The following ITGB1 variants were observed in gnomAD, a reference collection of about 807,000 sequenced individuals.
ITGB1 encodes the protein integrin beta-1.
A neutral mutation model predicts 86.5 loss-of-function variants in ITGB1; 24 were observed. That is an observed-to-expected ratio of 0.28 (90% CI 0.20 to 0.39). The LOEUF (loss-of-function observed/expected upper bound fraction) is 0.39. Among genes scored for constraint, ITGB1 ranks in the 10% least tolerant of loss-of-function variants. The pLI, the probability that ITGB1 is intolerant of heterozygous loss-of-function variation, is 1.00. For synonymous variants in ITGB1, 323 were observed against 316.8 expected (o/e 1.02, Z -0.21); for missense variants, 556 against 946.9 (o/e 0.59, Z 5.42).
At chr10:32,914,795 C>CA (rs1466480121) in intron 11 of ITGB1, among the ~76,000 whole-genome samples, 1 of 152,074 alleles carries the variant, frequency 6.6e-6, no homozygotes, top group East Asian at 1.9e-4. Context: ...GAACTGAACT[C>CA]AGCTCTGCAC....
rs202130881 is a variant in ITGB1, at chr10:32,935,525, T to G, written c.34A>C (p.Ile12Leu). ...NLQPIFWIGL[I>L]SSVCCVFAQT... ...GCAAACACACAGCAAACTGAACTGATCAGTCCAATCCAGAAAATTGGTTGT... is the reference window on the plus strand; with the variant it reads ...GCAAACACACAGCAAACTGAACTGAGCAGTCCAATCCAGAAAATTGGTTGT... Residue 12 changes from isoleucine (I) to leucine (L), a missense_variant, in exon 2 of 16, where the codon ATC (isoleucine) becomes CTC (leucine). Physicochemically the swap from Ile to Leu is conservative, Grantham distance 5. Coordinates refer to ENST00000302278, the MANE Select transcript of ITGB1 (RefSeq NM_002211.4). 6.2e-7 allele frequency: 1 copy of G among 1,613,618 alleles called. No homozygotes were observed. Among genetic ancestry groups the G allele is most frequent in the Non-Finnish European group, 8.5e-7 (1 of 1,179,580 alleles).
chr10:32,902,815 G>A (rs541757272), intron 15 of ITGB1, among the ~76,000 whole-genome samples: 6 of 152,264 alleles, frequency 3.9e-5, no homozygotes, highest in African/African-American at 1.4e-4. Context: ...CTCAAGGAAG[G>A]TATAGTTTGG....
chr10:32,912,357 G>C (rs1055598567), intron 11 of ITGB1, among the ~76,000 whole-genome samples: 2 of 152,194 alleles, frequency 1.3e-5, no homozygotes, highest in Non-Finnish European at 1.5e-5. Context: ...GCCTCACCCG[G>C]GAAGCACAAG....
At position 32,956,164 on chromosome 10, in the gene ITGB1, T is replaced by C. The variant is rs191000898; in HGVS notation, c.-1+1981A>G. ...ACCATCTTCAGTCACTTATATAATA[T>C]TGATCAATGAGTCAACATTATTTAA... On this transcript the variant is annotated intron_variant, in intron 1 of 15. Transcript: ENST00000302278. Among the ~76,000 whole-genome samples, 81 of 152,310 alleles carry C rather than the reference T, an allele frequency of 5.3e-4. No homozygotes were observed. The East Asian group carries it at 0.013, about 24-fold the overall frequency.
At chr10:32,904,413 A>G (rs539848915) in intron 15 of ITGB1, among the ~76,000 whole-genome samples, 2 of 152,322 alleles carry the variant, frequency 1.3e-5, no homozygotes, top group African/African-American at 4.8e-5. Flanking sequence ...TCTACAATGT[A>G]TTAAATACAT....
At chr10:32,920,210 A>T in intron 10 of ITGB1, 35 bp downstream of exon 10, 1 of 1,596,676 alleles carries the variant, frequency 6.3e-7, no homozygotes, top group Non-Finnish European at 8.5e-7. Flanking sequence ...ATAAATAACC[A>T]ATGTTTTCTA....
intron 5 of ITGB1, 108 bp from the exon 6 acceptor site, chr10:32,926,217 A>G (rs2094964004): frequency 3.7e-6 from 3 of 803,770 alleles, no homozygotes; most frequent in Non-Finnish European, 6.0e-6. Context: ...GTAGGTTACT[A>G]TGGACTGAAT....
intron 2 of ITGB1, among the ~76,000 whole-genome samples, chr10:32,933,167 A>AC (rs1047507080): frequency 4.0e-5 from 5 of 126,376 alleles, no homozygotes; most frequent in Non-Finnish European, 1.0e-4. Flanking sequence ...AAAATTTGGG[A>AC]CCGTGATTTT....
In ITGB1 at chr10:32,922,339, T is replaced by C; in HGVS notation, c.1046A>G (p.Lys349Arg). ...TACTGCTGACTTAGGGATCAAGTTT[T>C]TCAGCTCCTGCAATTAAAAGATAAA... ...EEFQPVYKEL[K>R]NLIPKSAVGT... Residue 349 changes from lysine to arginine, a missense_variant, in exon 9 of 16, where the codon AAA becomes AGA. This residue lies in a region of ITGB1 where 330 missense variants were observed against 531.5 expected (regional missense o/e 0.62). Coordinates refer to ENST00000302278, the MANE Select transcript of ITGB1 (RefSeq NM_002211.4). 2 of 1,605,372 alleles carry C rather than the reference T, an allele frequency of 1.2e-6. No individual in the cohort carries two copies. The highest frequency in any genetic ancestry group is 1.7e-6 in the Non-Finnish European group (2 of 1,174,404).
intron 14 of ITGB1, among the ~76,000 whole-genome samples, chr10:32,909,815 T>C (rs61058656): frequency 8.5e-5 from 13 of 152,096 alleles, no homozygotes; most frequent in South Asian, 2.1e-4. Flanking sequence ...TCCGGAGAAG[T>C]TGAACAAATT....
chr10:32,943,569 T>C (rs185784672), intron 1 of ITGB1, among the ~76,000 whole-genome samples: 112 of 149,388 alleles, frequency 7.5e-4, no homozygotes, highest in African/African-American at 2.7e-3. Context: ...AACAGGGAGG[T>C]GAGAGGAGAG....
At chr10:32,912,184 G>T in intron 11 of ITGB1, 60 bp from the exon 12 acceptor site, 1 of 1,423,984 alleles carries the variant, frequency 7.0e-7, no homozygotes, top group East Asian at 2.3e-5. Context: ...GAGGTTCCAA[G>T]ATGGCCAAAC....
chr10:32,935,810 G>C (rs1440678141), intron 1 of ITGB1: 2 of 337,552 alleles, frequency 5.9e-6, no homozygotes, highest in Non-Finnish European at 1.1e-5. Context: ...TTTCTCTAAA[G>C]CAAACCGATT....
At chr10:32,925,388 T>C (rs2094961539) in intron 6 of ITGB1, among the ~76,000 whole-genome samples, 1 of 152,230 alleles carries the variant, frequency 6.6e-6, no homozygotes, top group African/African-American at 2.4e-5. Context: ...TCTTTTTGAA[T>C]TACTAAGACA....
At chr10:32,948,235 GCTTT>G (rs1314885630) in intron 1 of ITGB1, among the ~76,000 whole-genome samples, 4 of 152,028 alleles carry the variant, frequency 2.6e-5, no homozygotes. Flanking sequence ...TATTTAATGT[GCTTT>G]CTAACAATCA....
chr10:32,936,876 G>A lies in ITGB1; in HGVS notation c.1-1318C>T, dbSNP rs367746516. On this transcript the variant is annotated intron_variant, in intron 1 of 15. Coordinates refer to ENST00000302278, the MANE Select transcript of ITGB1 (RefSeq NM_002211.4). ...ATACAAAAAAAGTTTAGGTTTAATC[G>A]TTATTGGAAAATGTAAATTAAAGCA... Among the ~76,000 whole-genome samples the A allele has an allele frequency of 7.9e-5, 12 of 152,256 alleles. No individual in the cohort carries two copies. In the East Asian group the frequency reaches 1.9e-3, roughly 24 times the overall value.
At position 32,923,815 on chromosome 10, in the gene ITGB1, G is replaced by A; in HGVS notation, c.787-75C>T. ...ACAAAAATCCTTTAATTTTCATATA[G>A]GCCACCATTGTATTTTTAACCTAAT... On this transcript the variant is annotated intron_variant, in intron 6 of 15. Transcript: ENST00000302278. 2.6e-6 allele frequency: 3 copies of A among 1,174,860 alleles called. No individual in the cohort carries two copies. The South Asian group carries it at 4.5e-5, about 18-fold the overall frequency. 72.8% of individuals were successfully genotyped at this position (1,174,860 alleles called of 1,614,324 possible).
Position 32,912,083 on chromosome 10 carries a change from G to A in ITGB1, c.1511C>T (p.Thr504Ile). 6.2e-7 allele frequency: 1 copy of A among 1,614,130 alleles called. No homozygotes were observed. Among genetic ancestry groups the A allele is most frequent in the Non-Finnish European group, 8.5e-7 (1 of 1,179,996 alleles). Reference protein sequence around the residue: ...GRVGRHCECSTDEVNSEDMDA... With the variant: ...GRVGRHCECSIDEVNSEDMDA... ...CATGTCTTCACTGTTAACTTCATCTGTGCTGCATTCACAATGTCTACCAAC... is the reference window on the plus strand; with the variant it reads ...CATGTCTTCACTGTTAACTTCATCTATGCTGCATTCACAATGTCTACCAAC... Residue 504 changes from threonine to isoleucine, a missense_variant, in exon 12 of 16, where the codon ACA (threonine) becomes ATA (isoleucine). This residue lies in a region of ITGB1 where 330 missense variants were observed against 531.5 expected (regional missense o/e 0.62). Coordinates refer to ENST00000302278, the MANE Select transcript of ITGB1 (RefSeq NM_002211.4).
chr10:32,949,924 GA>G (rs1222491709), intron 1 of ITGB1, among the ~76,000 whole-genome samples: 1 of 151,748 alleles, frequency 6.6e-6, no homozygotes, highest in South Asian at 2.1e-4. Flanking sequence ...CTACACTTTA[GA>G]AAAAAATTGT....
Sources: gnomAD v4.1 joint callset for allele counts (sites outside exome capture counted in the v4.1 genomes callset) on GRCh38, gnomAD v4.1.1 for gene constraint, gnomAD v4.1.1 regional missense constraint, MANE v1.5 for transcripts, NCBI Gene and HGNC (gene_info 2026-07-23, HGNC 2026-07-21) for gene names.